FAF2: variants seen among roughly 807,000 people sequenced by gnomAD.
The protein encoded by FAF2 is FAS-associated factor 2.
In FAF2, 9 loss-of-function variants were observed where a neutral mutation model predicts 62.3. The ratio of observed to expected loss-of-function variants is 0.14; its 90% CI spans 0.09 to 0.25. The LOEUF is 0.25. FAF2 is among the 10% of genes least tolerant of loss of function. FAF2 has a pLI of 1.00. For missense variants in FAF2, 368 were observed against 556.2 expected (o/e 0.66, Z 3.40); for synonymous variants, 202 against 198.0 (o/e 1.02, Z -0.17).
intron 4 of FAF2, among the ~76,000 whole-genome samples, chr5:176,489,867 T>G (rs572910098): frequency 6.6e-6 from 1 of 152,306 alleles, no homozygotes; most frequent in East Asian, 1.9e-4. Context: ...CTTTTCACTT[T>G]GCTCTGGCAG....
chr5:176,507,295 G>A lies in FAF2; in HGVS notation c.*345G>A, dbSNP rs1404048075. ...AGCTGGGAAGGGGACATTCCCACTA[G>A]TTCTCATTCATTCTTGCTTTTATGA... On this transcript the variant is annotated 3_prime_UTR_variant, in exon 11 of 11. Coordinates refer to ENST00000261942, the MANE Select transcript of FAF2 (RefSeq NM_014613.3). 2 of 454,326 alleles carry A rather than the reference G, an allele frequency of 4.4e-6. No homozygotes were observed. Among genetic ancestry groups the A allele is most frequent in the South Asian group, 3.1e-5 (2 of 63,902 alleles). 28.1% of individuals were successfully genotyped at this position (454,326 alleles called of 1,614,324 possible).
At chr5:176,498,788 A>T in intron 8 of FAF2, 126 bp from the exon 9 acceptor site, 1 of 873,736 alleles carries the variant, frequency 1.1e-6, no homozygotes, top group East Asian at 3.0e-5. Flanking sequence ...TGGCAGTGTG[A>T]AATCGTCATC....
intron 10 of FAF2, among the ~76,000 whole-genome samples, chr5:176,503,555 CAAAA>C (rs5873537): frequency 8.2e-5 from 11 of 133,378 alleles, no homozygotes; most frequent in East Asian, 2.2e-4. Flanking sequence ...AATTCTGTCT[CAAAA>C]AAAAAAAAAA....
chr5:176,478,940 A>G (rs1004071155), intron 1 of FAF2, among the ~76,000 whole-genome samples: 3 of 152,234 alleles, frequency 2.0e-5, no homozygotes, highest in Non-Finnish European at 4.4e-5. Context: ...GAGAATATTG[A>G]TCTTAGTCAG....
intron 5 of FAF2, among the ~76,000 whole-genome samples, chr5:176,492,739 C>T (rs1173339526): frequency 6.6e-6 from 1 of 152,172 alleles, no homozygotes; most frequent in South Asian, 2.1e-4. Flanking sequence ...GATTGTTGTG[C>T]CCTGTCCTGC....
At chr5:176,448,538 G>T (rs1758108553) in intron 1 of FAF2, 68 bp downstream of exon 1, 4 of 1,457,184 alleles carry the variant, frequency 2.7e-6, no homozygotes, top group Non-Finnish European at 3.7e-6. Flanking sequence ...GAGGAGTTCA[G>T]AACCCTCCTC....
intron 8 of FAF2, among the ~76,000 whole-genome samples, chr5:176,497,209 G>A (rs951829594): frequency 2.0e-5 from 3 of 152,006 alleles, no homozygotes; most frequent in Admixed American, 2.0e-4. Flanking sequence ...GTATATTGTG[G>A]CATTTAGAAT....
intron 5 of FAF2, among the ~76,000 whole-genome samples, chr5:176,492,542 A>G (rs560437103): frequency 3.3e-5 from 5 of 152,178 alleles, no homozygotes; most frequent in Admixed American, 6.5e-5. Context: ...TCTTTTCTGC[A>G]TAACTTATTT....
intron 10 of FAF2, among the ~76,000 whole-genome samples, chr5:176,505,502 G>C (rs1480893785): frequency 6.6e-6 from 1 of 152,094 alleles, no homozygotes; most frequent in Non-Finnish European, 1.5e-5. Flanking sequence ...GGGAACAGGT[G>C]GTGTTTGGTT....
intron 2 of FAF2, among the ~76,000 whole-genome samples, chr5:176,484,894 G>GAAA (rs59407571): frequency 1.0e-5 from 1 of 98,234 alleles, no homozygotes; most frequent in Non-Finnish European, 2.2e-5. Context: ...TCCATCTCAA[G>GAAA]AAAAAAAAAA....
At chr5:176,453,162 A>T (rs1421222036) in intron 1 of FAF2, 2 of 152,210 alleles carry the variant, frequency 1.3e-5, no homozygotes, top group African/African-American at 4.8e-5. Context: ...ACTATTGCAG[A>T]CAATTGTTTT....
chr5:176,501,564 G>C (rs139098669), intron 10 of FAF2, among the ~76,000 whole-genome samples: 1 of 152,176 alleles, frequency 6.6e-6, no homozygotes, highest in Non-Finnish European at 1.5e-5. Context: ...ATACTCTAGG[G>C]ATCATTTAGA....
In FAF2 at chr5:176,448,398, C is replaced by T; in HGVS notation, c.-10C>T. ...TGCGGACGGGTCAGGAGCGTAGAGG[C>T]GGCGGCAAAATGGCGGCGCCTGAGG... is the stretch of plus-strand genomic sequence containing the variant. On this transcript the variant is annotated 5_prime_UTR_variant, in exon 1 of 11. Transcript: ENST00000261942. The T allele has an allele frequency of 2.5e-6, 4 of 1,603,784 alleles. No homozygotes were observed. Among genetic ancestry groups the T allele is most frequent in the East Asian group, 4.5e-5 (2 of 44,478 alleles).
intron 3 of FAF2, 72 bp downstream of exon 3, chr5:176,486,561 C>T (rs535987054): frequency 2.7e-6 from 4 of 1,473,390 alleles, no homozygotes; most frequent in African/African-American, 2.8e-5. Context: ...TATTGATCTC[C>T]CTGTGACAGG....
chr5:176,466,651 C>G (rs114030312), intron 1 of FAF2, among the ~76,000 whole-genome samples: 2,149 of 152,290 alleles, frequency 0.014, 41 homozygotes, highest in African/African-American at 0.049. Context: ...AGAGATAGAT[C>G]GGGATCACAG....
At chr5:176,473,481 G>A (rs1322894521) in intron 1 of FAF2, among the ~76,000 whole-genome samples, 1 of 152,122 alleles carries the variant, frequency 6.6e-6, no homozygotes, top group East Asian at 1.9e-4. Context: ...AGTAGCGTTG[G>A]TCAGGTTTCT....
At chr5:176,503,927 C>T (rs1356471006) in intron 10 of FAF2, among the ~76,000 whole-genome samples, 1 of 151,964 alleles carries the variant, frequency 6.6e-6, no homozygotes, top group African/African-American at 2.4e-5. Context: ...TTTGGGATGC[C>T]AAGGCAGGCG....
intron 4 of FAF2, 48 bp from the exon 5 acceptor site, chr5:176,492,146 G>T: frequency 6.2e-7 from 1 of 1,611,892 alleles, no homozygotes; most frequent in Non-Finnish European, 8.5e-7. Context: ...CACTCGATAT[G>T]CACTGTAGTA....
chr5:176,460,259 GTTGGGTCAA>G (rs1203104804), intron 1 of FAF2, among the ~76,000 whole-genome samples: 1 of 152,108 alleles, frequency 6.6e-6, no homozygotes, highest in Non-Finnish European at 1.5e-5. Flanking sequence ...TAATGGGATT[GTTGGGTCAA>G]TTGATAGTTC....
Sources: gnomAD v4.1 joint callset for allele counts (sites outside exome capture counted in the v4.1 genomes callset) on GRCh38, gnomAD v4.1.1 for gene constraint, MANE v1.5 for transcripts, NCBI Gene and HGNC (gene_info 2026-07-23, HGNC 2026-07-21) for gene names.